TEX9: variants seen among roughly 807,000 people sequenced by gnomAD.
TEX9 encodes the protein testis-expressed protein 9.
Under a neutral mutation model 59.6 loss-of-function variants are expected in TEX9, and 74 were observed. That is an observed-to-expected ratio of 1.24 (90% CI 1.03 to 1.51). The LOEUF (loss-of-function observed/expected upper bound fraction) is 1.51, where lower values mean the gene tolerates loss of function less well. TEX9 is among the 40% of genes most tolerant of loss of function. The probability of loss-of-function intolerance (pLI) is 0.00; values close to 1 mark genes in which losing one functional copy is unlikely to be tolerated. For missense variants in TEX9, 522 were observed against 447.8 expected (o/e 1.17, Z -1.49); for synonymous variants, 186 against 152.2 (o/e 1.22, Z -1.64).
chr15:56,429,137 T>C (rs1053331225), intron 12 of TEX9: 14 of 1,602,818 alleles, frequency 8.7e-6, no homozygotes, highest in African/African-American at 4.0e-5. Flanking sequence ...TTTGTTGATA[T>C]ACTTTCCTGA....
intron 10 of TEX9, among the ~76,000 whole-genome samples, chr15:56,417,340 T>C (rs1023066613): frequency 3.3e-5 from 5 of 151,952 alleles, no homozygotes; most frequent in Admixed American, 3.3e-4. Flanking sequence ...CGTTTAGTGC[T>C]ATGAATTTCC....
chr15:56,306,280 G>GAAAAAAAAAAAAAAAAAAAAAAAAAA (rs2045484308), intron 1 of TEX9, among the ~76,000 whole-genome samples: 1 of 72,018 alleles, frequency 1.4e-5, no homozygotes, highest in Non-Finnish European at 3.2e-5. Context: ...AAAAAAAAAG[G>GAAAAAAAAAAAAAAAAAAAAAAAAAA]AAATCAGTGT....
intron 1 of TEX9, among the ~76,000 whole-genome samples, chr15:56,250,772 A>G (rs148427696): frequency 6.6e-6 from 1 of 152,114 alleles, no homozygotes; most frequent in Non-Finnish European, 1.5e-5. Context: ...AAAAAAAAAA[A>G]CAAAATAATT....
chr15:56,351,070 A>G (rs2141875489), intron 1 of TEX9, among the ~76,000 whole-genome samples: 1 of 152,318 alleles, frequency 6.6e-6, no homozygotes, highest in South Asian at 2.1e-4. Context: ...GATACAACAA[A>G]TAATGTTTTC....
At chr15:56,404,603 T>C (rs2048976838) in intron 9 of TEX9, among the ~76,000 whole-genome samples, 1 of 152,144 alleles carries the variant, frequency 6.6e-6, no homozygotes, top group African/African-American at 2.4e-5. Flanking sequence ...GAACTAGAAA[T>C]ACCATTTGAC....
chr15:56,408,603 C>T (rs1033549778), intron 9 of TEX9: 34 of 149,684 alleles, frequency 2.3e-4, no homozygotes, highest in African/African-American at 6.9e-4. Context: ...TTCACATGTC[C>T]TAAAGGAAGC....
At chr15:56,399,230 C>T (rs1361178900) in intron 9 of TEX9, among the ~76,000 whole-genome samples, 1 of 152,188 alleles carries the variant, frequency 6.6e-6, no homozygotes, top group East Asian at 1.9e-4. Context: ...ACAGACTGTA[C>T]CTGGAAAAAT....
intron 1 of TEX9, among the ~76,000 whole-genome samples, chr15:56,246,248 T>G (rs1251389286): frequency 6.6e-6 from 1 of 151,364 alleles, no homozygotes; most frequent in South Asian, 2.1e-4. Context: ...CTGACCGGAG[T>G]GTGGTGGTAA....
At chr15:56,376,655 C>A (rs2047468255) in intron 3 of TEX9, among the ~76,000 whole-genome samples, 2 of 151,796 alleles carry the variant, frequency 1.3e-5, no homozygotes, top group Admixed American at 1.3e-4. Flanking sequence ...CCTATATTTT[C>A]TACCCTTGTC....
chr15:56,273,851 T>C (rs1858774975), intron 1 of TEX9, among the ~76,000 whole-genome samples: 1 of 152,222 alleles, frequency 6.6e-6, no homozygotes. Flanking sequence ...TCTGGTTGTC[T>C]CTAAGATTAT....
At chr15:56,350,662 G>C (rs544575360) in intron 1 of TEX9, among the ~76,000 whole-genome samples, 21 of 152,200 alleles carry the variant, frequency 1.4e-4, no homozygotes, top group African/African-American at 5.1e-4. Flanking sequence ...TTCTGCTGGG[G>C]AATACAGCAA....
intron 1 of TEX9, among the ~76,000 whole-genome samples, chr15:56,248,317 G>C: frequency 6.6e-6 from 1 of 152,206 alleles, no homozygotes; most frequent in East Asian, 1.9e-4. Flanking sequence ...TCTTCTGTTA[G>C]AGCACAAATA....
intron 12 of TEX9, chr15:56,434,029 A>G (rs2050671326): frequency 1.6e-6 from 2 of 1,227,048 alleles, no homozygotes; most frequent in Non-Finnish European, 2.3e-6. Flanking sequence ...TAGTAAACAT[A>G]CTAACATTGT....
intron 1 of TEX9, among the ~76,000 whole-genome samples, chr15:56,356,316 T>C (rs1183781865): frequency 3.3e-5 from 5 of 152,274 alleles, no homozygotes; most frequent in African/African-American, 1.2e-4. Context: ...CTATTCTTAG[T>C]TGGATGAGAA....
intron 3 of TEX9, among the ~76,000 whole-genome samples, chr15:56,380,769 A>G (rs1336622257): frequency 6.6e-6 from 1 of 152,154 alleles, no homozygotes; most frequent in Non-Finnish European, 1.5e-5. Context: ...TAAGGTTTCC[A>G]CGGAGAAGTC....
At chr15:56,379,822 T>G (rs988363455) in intron 3 of TEX9, among the ~76,000 whole-genome samples, 1 of 152,028 alleles carries the variant, frequency 6.6e-6, no homozygotes, top group Non-Finnish European at 1.5e-5. Flanking sequence ...CATTTTTTGT[T>G]TTGAAATTTA....
intron 1 of TEX9, among the ~76,000 whole-genome samples, chr15:56,337,485 G>A (rs539941592): frequency 2.0e-5 from 3 of 152,314 alleles, no homozygotes; most frequent in African/African-American, 7.2e-5. Flanking sequence ...GTCTGTGCAA[G>A]CAACCGTAAC....
At chr15:56,445,885 A>G (rs1596263968), downstream of TEX9, 3 of 152,168 alleles carry the variant, frequency 2.0e-5, no homozygotes, top group African/African-American at 2.4e-5. Context: ...CAAACAGGAC[A>G]TTGTTTGTGC....
chr15:56,333,487 A>AAAAT (rs767529487), intron 1 of TEX9, among the ~76,000 whole-genome samples: 13 of 151,498 alleles, frequency 8.6e-5, no homozygotes, highest in Non-Finnish European at 1.9e-4. Context: ...TAAAAAAAAA[A>AAAAT]AACCCTCAAA....
Sources: allele counts gnomAD v4.1 joint callset (sites outside exome capture counted in the v4.1 genomes callset), GRCh38; gene constraint gnomAD v4.1.1; transcripts MANE v1.5; gene names NCBI Gene and HGNC (gene_info 2026-07-23, HGNC 2026-07-21).